Variants in ATM observed in about 807,000 individuals in gnomAD.
ATM encodes ATM serine/threonine kinase.
ATM carries 308 observed loss-of-function variants against 387.0 expected under a neutral mutation model. The ratio of observed to expected loss-of-function variants is 0.80; its 90% CI spans 0.73 to 0.87. The LOEUF (loss-of-function observed/expected upper bound fraction) is 0.87, where lower values mean the gene tolerates loss of function less well. Among genes scored for constraint, ATM ranks in the 40% least tolerant of loss-of-function variants. The probability of loss-of-function intolerance (pLI) is 0.00; values close to 1 mark genes in which losing one functional copy is unlikely to be tolerated. For missense variants in ATM, 3,312 were observed against 3,560.9 expected (o/e 0.93, Z 1.78); for synonymous variants, 1,156 against 1,187.3 (o/e 0.97, Z 0.54).
At chr11:108,358,166 G>C (rs1049354348) in intron 61 of ATM, among the ~76,000 whole-genome samples, 1 of 150,694 alleles carries the variant, frequency 6.6e-6, no homozygotes. Flanking sequence ...CTCAGGAGCC[G>C]ATGCGATCAA....
chr11:108,332,687 CTT>C, intron 52 of ATM, 73 bp from the exon 53 acceptor site: 1 of 1,496,066 alleles, frequency 6.7e-7, no homozygotes, highest in South Asian at 1.2e-5. Flanking sequence ...CTGTTTTTCT[CTT>C]TGTTTTTCTA....
In ATM at chr11:108,282,842, A is replaced by T. The variant is rs1555092528; in HGVS notation, c.3709A>T (p.Ile1237Phe). The change falls in exon 25 of 63, where the codon ATT (isoleucine) becomes TTT (phenylalanine). Residue 1237 changes from isoleucine (I) to phenylalanine (F), a missense_variant. Physicochemically the swap from Ile to Phe is conservative, Grantham distance 21 (BLOSUM62 0). This residue lies in a region of ATM where 1,791 missense variants were observed against 1,804.5 expected (regional missense o/e 0.99). Transcript: ENST00000675843. ...TEYNLSSFPF[I>F]LLNYTNIEDF... is the part of the protein sequence containing the mutation. ...ATACAACTTATCTTCTTTTCCTTTT[A>T]TTTTATTAAACTACACAAATATTGA... 6.5e-7 allele frequency: 1 copy of T among 1,528,952 alleles called. No individual in the cohort carries two copies. 94.7% of individuals were successfully genotyped at this position (1,528,952 alleles called of 1,614,324 possible). A position where few individuals can be genotyped will look rare whatever the true frequency, so the allele number is the denominator to read the frequency against.
At chr11:108,228,722 A>G (rs191220719) in intron 3 of ATM, among the ~76,000 whole-genome samples, 3 of 152,316 alleles carry the variant, frequency 2.0e-5, no homozygotes, top group East Asian at 3.9e-4. Flanking sequence ...GATGAATACT[A>G]TTTTGTATAA....
intron 43 of ATM, 151 bp downstream of exon 43, chr11:108,317,672 C>CA (rs1336501010): frequency 8.8e-6 from 2 of 228,314 alleles, no homozygotes. Context: ...CACACACACA[C>CA]ACTATATATA....
At chr11:108,301,907 T>C in intron 35 of ATM, 118 bp downstream of exon 35, 1 of 1,118,012 alleles carries the variant, frequency 8.9e-7, no homozygotes, top group South Asian at 1.4e-5. Flanking sequence ...TAACCTTTCC[T>C]ATAAGTAATT....
intron 39 of ATM, among the ~76,000 whole-genome samples, chr11:108,311,703 C>CA (rs1215790496): frequency 0.011 from 1,254 of 114,206 alleles, 13 homozygotes; most frequent in East Asian, 0.089. Flanking sequence ...ATCTCATAAA[C>CA]AAAAAAAAAA....
At chr11:108,335,309 A>G in intron 55 of ATM, 200 bp downstream of exon 55, 1 of 1,476,598 alleles carries the variant, frequency 6.8e-7, no homozygotes, top group Non-Finnish European at 9.0e-7. Context: ...GACAATCATT[A>G]TTATATGGTT....
At chr11:108,319,251 T>C (rs2085011673) in intron 43 of ATM, among the ~76,000 whole-genome samples, 1 of 152,192 alleles carries the variant, frequency 6.6e-6, no homozygotes, top group Non-Finnish European at 1.5e-5. Flanking sequence ...AGATATATCC[T>C]CATATTTTAA....
chr11:108,359,441 C>T (rs377320629), intron 61 of ATM, among the ~76,000 whole-genome samples: 35 of 152,052 alleles, frequency 2.3e-4, no homozygotes, highest in South Asian at 6.3e-4. Flanking sequence ...CTGCACCAAG[C>T]GGACCTAATA....
At chr11:108,229,544 A>G (rs2078911165) in intron 4 of ATM, 2 of 477,768 alleles carry the variant, frequency 4.2e-6, no homozygotes, top group South Asian at 2.8e-5. Flanking sequence ...TAGAAGGAAC[A>G]AAGAAATCTG....
Position 108,244,754 on chromosome 11 carries a change from T to A in ATM, c.663-34T>A, listed in dbSNP as rs553201892. On this transcript the variant is annotated intron_variant, in intron 6 of 62. Transcript: ENST00000675843. Reference sequence around the variant, plus strand: ...CAGTTTGTACAGTTTGTTCCCCCTGTTATACCCAGTTGAGCTTGTTTGTTT... The same window carrying A: ...CAGTTTGTACAGTTTGTTCCCCCTGATATACCCAGTTGAGCTTGTTTGTTT... 4 of 1,517,230 alleles carry A rather than the reference T, an allele frequency of 2.6e-6. No homozygotes were observed. In the East Asian group the frequency reaches 9.0e-5, roughly 34 times the overall value. 94.0% of individuals were successfully genotyped at this position (1,517,230 alleles called of 1,614,324 possible).
intron 1 of ATM, 119 bp downstream of exon 1, chr11:108,223,305 C>T (rs2078579340): frequency 6.5e-6 from 1 of 153,298 alleles, no homozygotes; most frequent in African/African-American, 2.4e-5. Context: ...GCCCTTGACT[C>T]CTCCCTCTCC....
chr11:108,330,071 T>C (rs933562283), intron 49 of ATM, 143 bp from the exon 50 acceptor site: 1 of 826,882 alleles, frequency 1.2e-6, no homozygotes, highest in African/African-American at 1.7e-5. Context: ...GTAAGTTTAT[T>C]CCCTTTATAA....
At chr11:108,254,414 A>C (rs975753367) in intron 13 of ATM, among the ~76,000 whole-genome samples, 6 of 152,216 alleles carry the variant, frequency 3.9e-5, no homozygotes, top group African/African-American at 1.4e-4. Context: ...TTTTGGTGGC[A>C]TCTGAAGAGA....
intron 14 of ATM, 68 bp downstream of exon 14, chr11:108,256,408 A>C: frequency 6.6e-7 from 1 of 1,522,762 alleles, no homozygotes; most frequent in Non-Finnish European, 9.0e-7. Flanking sequence ...GAAAATTATT[A>C]CATTTGTTTG....
At chr11:108,292,923 A>G in intron 30 of ATM, 130 bp downstream of exon 30, 1 of 1,154,148 alleles carries the variant, frequency 8.7e-7, no homozygotes, top group Non-Finnish European at 1.2e-6. Context: ...AAATGATTGG[A>G]AAAATATTCT....
chr11:108,298,198 A>G (rs1302884333), intron 33 of ATM, among the ~76,000 whole-genome samples: 2 of 152,210 alleles, frequency 1.3e-5, no homozygotes, highest in Non-Finnish European at 2.9e-5. Flanking sequence ...TCACCTGGTT[A>G]AAGTCAGCTT....
At chr11:108,309,019 TA>T in intron 38 of ATM, 1 of 1,528,370 alleles carries the variant, frequency 6.5e-7, no homozygotes, top group Non-Finnish European at 8.8e-7. Context: ...TTGGAGAAGA[TA>T]AAAATTCTTC....
intron 5 of ATM, among the ~76,000 whole-genome samples, chr11:108,242,424 G>A (rs1327845546): frequency 6.6e-6 from 1 of 152,166 alleles, no homozygotes. Context: ...TCAACATTAT[G>A]TTGGAGGTTC....
Sources: gnomAD v4.1 joint callset for allele counts (sites outside exome capture counted in the v4.1 genomes callset) on GRCh38, gnomAD v4.1.1 for gene constraint, gnomAD v4.1.1 regional missense constraint, MANE v1.5 for transcripts, NCBI Gene and HGNC (gene_info 2026-07-23, HGNC 2026-07-21) for gene names.